The following DCT variants were observed in gnomAD, a reference collection of about 807,000 sequenced individuals.
DCT encodes the protein L-dopachrome tautomerase.
In DCT, 47 loss-of-function variants were observed where a neutral mutation model predicts 53.0. The observed-to-expected ratio is 0.89, with a 90% confidence interval of 0.70 to 1.13. DCT has a LOEUF of 1.13. DCT is among the 50% of genes most tolerant of loss of function. The pLI is 0.00. For synonymous variants in DCT, 244 were observed against 237.0 expected (o/e 1.03, Z -0.27); for missense variants, 669 against 637.4 (o/e 1.05, Z -0.53).
the DCT span, among the ~76,000 whole-genome samples, chr13:94,548,184 T>C: frequency 1.3e-5 from 2 of 152,002 alleles, no homozygotes; most frequent in South Asian, 4.2e-4. Context: ...CTAACAGACA[T>C]AGCTTATGCT....
chr13:94,546,022 A>G, the DCT span, among the ~76,000 whole-genome samples: 1 of 152,100 alleles, frequency 6.6e-6, no homozygotes, highest in Non-Finnish European at 1.5e-5. The surrounding 1 kb of genome is among the most constrained non-coding windows in gnomAD (Gnocchi z 4.2). Context: ...CAAGACTGAC[A>G]AAAGAATTCT....
chr13:94,448,557 A>C (rs1882872322), intron 6 of DCT, among the ~76,000 whole-genome samples: 1 of 152,180 alleles, frequency 6.6e-6, no homozygotes, highest in Non-Finnish European at 1.5e-5. Context: ...ATATCTCTGT[A>C]AAGGGTCAAA....
At chr13:94,493,809 T>A in the DCT span, among the ~76,000 whole-genome samples, 1 of 152,192 alleles carries the variant, frequency 6.6e-6, no homozygotes, top group Admixed American at 6.5e-5. Context: ...TGTGTGATAC[T>A]GTAACAGTGA....
intron 2 of DCT, 84 bp from the exon 3 acceptor site, chr13:94,466,742 C>G (rs1884251787): frequency 6.4e-6 from 5 of 783,462 alleles, no homozygotes; most frequent in Non-Finnish European, 9.9e-6. Context: ...ATCTATAGAG[C>G]CAATAAGTCC....
intron 6 of DCT, among the ~76,000 whole-genome samples, chr13:94,449,059 C>A (rs1403730566): frequency 4.1e-5 from 6 of 147,502 alleles, no homozygotes; most frequent in African/African-American, 1.5e-4. Flanking sequence ...CTTGTTCCAA[C>A]AAAATGAGGA....
upstream of DCT, among the ~76,000 whole-genome samples, chr13:94,481,931 C>T (rs1465048284): frequency 1.3e-5 from 2 of 152,166 alleles, no homozygotes; most frequent in Non-Finnish European, 2.9e-5. Context: ...AAGTAAAATC[C>T]GAGGTGCTTT....
the DCT span, among the ~76,000 whole-genome samples, chr13:94,538,455 T>C: frequency 6.6e-6 from 1 of 152,092 alleles, no homozygotes; most frequent in African/African-American, 2.4e-5. Context: ...CGCCAAGCCA[T>C]ATGTATACAC....
the DCT span, among the ~76,000 whole-genome samples, chr13:94,544,933 C>G: frequency 4.1e-3 from 622 of 152,118 alleles, 7 homozygotes; most frequent in African/African-American, 0.014. Flanking sequence ...TATAGCAGCT[C>G]GGTCTCAAAA....
chr13:94,539,237 A>G, the DCT span, among the ~76,000 whole-genome samples: 2 of 152,240 alleles, frequency 1.3e-5, no homozygotes. Context: ...TGCCCAGAGC[A>G]TAGCAGACGG....
At chr13:94,482,252 A>T (rs1885471949), upstream of DCT, among the ~76,000 whole-genome samples, 1 of 152,210 alleles carries the variant, frequency 6.6e-6, no homozygotes, top group South Asian at 2.1e-4. Context: ...TACCATGGAT[A>T]GTTTGAGAAC....
intron 6 of DCT, among the ~76,000 whole-genome samples, chr13:94,448,963 C>T (rs1236226695): frequency 6.6e-6 from 1 of 151,682 alleles, no homozygotes; most frequent in Non-Finnish European, 1.5e-5. Context: ...TTCATCTGCT[C>T]GAGGGCTACA....
intron 6 of DCT, among the ~76,000 whole-genome samples, chr13:94,456,604 T>C (rs974131805): frequency 6.6e-6 from 1 of 152,222 alleles, no homozygotes; most frequent in Middle Eastern, 3.2e-3. Context: ...ATGATAACAT[T>C]TGTATTGTAC....
At chr13:94,440,135 G>A (rs1882185274) in intron 7 of DCT, 59 bp from the exon 8 acceptor site, 5 of 1,439,666 alleles carry the variant, frequency 3.5e-6, no homozygotes, top group Non-Finnish European at 4.8e-6. Flanking sequence ...ACTTTCAGAA[G>A]AGAAAAAGAG....
chr13:94,510,415 G>A, the DCT span, among the ~76,000 whole-genome samples: 1 of 59,366 alleles, frequency 1.7e-5, no homozygotes, highest in Admixed American at 1.6e-4. Flanking sequence ...CTTGCATTGT[G>A]GTGAGTCCAA....
the DCT span, among the ~76,000 whole-genome samples, chr13:94,509,395 C>T: frequency 0.38 from 56,838 of 150,496 alleles, 11,230 homozygotes; most frequent in East Asian, 0.61. Context: ...CTGGGAAGTA[C>T]TGACATCTCC....
the DCT span, among the ~76,000 whole-genome samples, chr13:94,535,133 C>A: frequency 2.4e-4 from 36 of 152,320 alleles, no homozygotes; most frequent in East Asian, 6.6e-3. Context: ...AAATATCTGG[C>A]CTTACTTGAG....
chr13:94,443,602 C>T lies in DCT; in HGVS notation c.1215G>A (p.Glu405=). Residue 405 remains glutamate, a synonymous_variant, in exon 7 of 8, where the codon GAG becomes GAA. Coordinates refer to ENST00000377028, the MANE Select transcript of DCT (RefSeq NM_001922.5). ...CAGGAGGATTAAATCTTTTCATCCACTCATCAAAGATGGCATCAGTAAAGG... is the reference window on the plus strand; with the variant it reads ...CAGGAGGATTAAATCTTTTCATCCATTCATCAAAGATGGCATCAGTAAAGG... The part of the protein sequence containing the change: ...LHSFTDAIFD[E]WMKRFNPPAD... The T allele has an allele frequency of 6.2e-7, 1 of 1,613,974 alleles. No individual in the cohort carries two copies. The highest frequency in any genetic ancestry group is 8.5e-7 in the Non-Finnish European group (1 of 1,179,948).
chr13:94,452,603 T>C (rs754712143), intron 6 of DCT: 5 of 762,010 alleles, frequency 6.6e-6, no homozygotes, highest in Non-Finnish European at 1.2e-5. Flanking sequence ...TTCTCTTTAC[T>C]TACCTTACAT....
the DCT span, among the ~76,000 whole-genome samples, chr13:94,518,143 AAGGAAGGAAGGAATGAAGGAAGG>A: frequency 1.4e-5 from 2 of 145,486 alleles, no homozygotes; most frequent in African/African-American, 5.4e-5. Context: ...GGAAGGAAGG[AAGGAAGGAAGGAATGAAGGAAGG>A]AAGGAAGAAA....
Sources: allele counts gnomAD v4.1 joint callset (sites outside exome capture counted in the v4.1 genomes callset), GRCh38; gene constraint gnomAD v4.1.1; non-coding constraint Gnocchi (gnomAD v3.1); transcripts MANE v1.5; gene names NCBI Gene and HGNC (gene_info 2026-07-23, HGNC 2026-07-21).